CSE1L: variants seen among roughly 807,000 people sequenced by gnomAD.
CSE1L encodes the protein chromosome segregation 1 like, also known as exportin-2.
A neutral mutation model predicts 120.4 loss-of-function variants in CSE1L; 24 were observed. The ratio of observed to expected loss-of-function variants is 0.20; its 90% CI spans 0.14 to 0.28. The LOEUF is 0.28. CSE1L is among the 10% of genes least tolerant of loss of function. The pLI is 1.00. For synonymous variants in CSE1L, 402 were observed against 398.3 expected, an observed-to-expected ratio of 1.01 and a Z score of -0.11; for missense variants, 830 against 1,145.2, an observed-to-expected ratio of 0.72 and a Z score of 3.97.
chr20:49,093,807 C>G (rs2092119607), intron 22 of CSE1L, among the ~76,000 whole-genome samples: 1 of 151,684 alleles, frequency 6.6e-6, no homozygotes, highest in Admixed American at 6.6e-5. Flanking sequence ...ATCCCACCTA[C>G]TCAGGGGGCT....
intron 24 of CSE1L, 110 bp from the exon 25 acceptor site, chr20:49,096,239 C>T: frequency 3.5e-6 from 3 of 857,580 alleles, no homozygotes; most frequent in Non-Finnish European, 5.9e-6. Flanking sequence ...TGATTAATGA[C>T]TTGACTGGCT....
At chr20:49,055,825 C>T (rs1030158332) in intron 1 of CSE1L, among the ~76,000 whole-genome samples, 6 of 152,166 alleles carry the variant, frequency 3.9e-5, no homozygotes, top group African/African-American at 1.4e-4. Flanking sequence ...ATATCTATCA[C>T]CGAGATGTTA....
At chr20:49,089,147 T>C (rs900712757) in intron 17 of CSE1L, 100 bp from the exon 18 acceptor site, 1 of 1,098,088 alleles carries the variant, frequency 9.1e-7, no homozygotes, top group Non-Finnish European at 1.2e-6. Context: ...TTTTCTTAAT[T>C]TTGATTTTTA....
chr20:49,057,146 T>C lies in CSE1L; in HGVS notation c.-11-1307T>C, dbSNP rs193048085. Among the ~76,000 whole-genome samples the C allele has an allele frequency of 2.0e-3, 308 of 152,318 alleles. 3 individuals carry two copies. Among genetic ancestry groups the C allele is most frequent in the Non-Finnish European group, 6.3e-4 (43 of 68,028 alleles). ...TTTGAGACCAGCTTGGGCAACATTG[T>C]GAGACCCTGTCTCTACAAAATTTTT... On this transcript the variant is annotated intron_variant, in intron 1 of 24. Coordinates refer to ENST00000262982, the MANE Select transcript of CSE1L (RefSeq NM_001316.4).
chr20:49,063,979 C>T (rs1600598076), intron 3 of CSE1L, among the ~76,000 whole-genome samples: 1 of 152,108 alleles, frequency 6.6e-6, no homozygotes, highest in South Asian at 2.1e-4. Context: ...AAGAAACAGG[C>T]ATTTTTTTTC....
chr20:49,061,499 T>TTATG, intron 2 of CSE1L, among the ~76,000 whole-genome samples: 1 of 145,128 alleles, frequency 6.9e-6, no homozygotes, highest in Admixed American at 7.0e-5. Context: ...ATTTATTTAT[T>TTATG]TATTTATTTA....
chr20:49,086,511 G>A (rs1313502524), intron 16 of CSE1L, among the ~76,000 whole-genome samples: 10 of 151,752 alleles, frequency 6.6e-5, no homozygotes, highest in South Asian at 2.1e-4. Flanking sequence ...GATTACAGGC[G>A]TGTGCTACCA....
intron 15 of CSE1L, among the ~76,000 whole-genome samples, chr20:49,085,064 G>T (rs1403435953): frequency 6.6e-6 from 1 of 152,136 alleles, no homozygotes; most frequent in Admixed American, 6.5e-5. Flanking sequence ...GGTTTAGCTG[G>T]CTTTTTGGTT....
chr20:49,086,584 T>C (rs1245096507), intron 16 of CSE1L, among the ~76,000 whole-genome samples: 16 of 151,876 alleles, frequency 1.1e-4, no homozygotes, highest in Non-Finnish European at 1.6e-4. Flanking sequence ...AGGCTGGTCT[T>C]GAACTCCCGA....
At position 49,084,157 on chromosome 20, in the gene CSE1L, C is replaced by G. The variant is rs770684219; in HGVS notation, c.1614C>G (p.Ala538=). 9.9e-6 allele frequency: 16 copies of G among 1,613,740 alleles called. No individual in the cohort carries two copies. Among genetic ancestry groups the G allele is most frequent in the African/African-American group, 1.3e-5 (1 of 74,906 alleles). Reference sequence around the variant, plus strand: ...TTACTATGCGAGGGCCTAACAATGCCACTCTGTGAGTATTTTATTCTAAAG... The same window carrying G: ...TTACTATGCGAGGGCCTAACAATGCGACTCTGTGAGTATTTTATTCTAAAG... The part of the protein sequence containing the change: ...RLFTMRGPNN[A]TLFTAAEIAP... Residue 538 remains alanine (A), a synonymous_variant, in exon 15 of 25, where the codon GCC becomes GCG. Transcript: ENST00000262982.
chr20:49,085,760 C>T (rs2092051542), intron 16 of CSE1L, among the ~76,000 whole-genome samples: 1 of 151,394 alleles, frequency 6.6e-6, no homozygotes, highest in Admixed American at 6.6e-5. Flanking sequence ...TTAGTAGAGA[C>T]AGGGTTTTGC....
Position 49,094,642 on chromosome 20 carries a change from T to C in CSE1L, c.2595-90T>C, listed in dbSNP as rs1029815248. 8 of 828,206 alleles carry C rather than the reference T, an allele frequency of 9.7e-6. No homozygotes were observed. In the African/African-American group the frequency reaches 1.4e-4, roughly 14 times the overall value. 51.3% of individuals were successfully genotyped at this position (828,206 alleles called of 1,614,324 possible). On this transcript the variant is annotated intron_variant, in intron 23 of 24. Coordinates refer to ENST00000262982, the MANE Select transcript of CSE1L (RefSeq NM_001316.4). ...CCCCTTTTATTCTTGAGACTATGAG[T>C]CTGTAATTTTGTGTCTCTGAGCAAT... is the stretch of plus-strand genomic sequence containing the variant.
intron 15 of CSE1L, 39 bp from the exon 16 acceptor site, chr20:49,085,242 CAA>C: frequency 3.3e-6 from 5 of 1,493,774 alleles, no homozygotes; most frequent in Non-Finnish European, 4.7e-6. Flanking sequence ...GTGACAAGCT[CAA>C]GAGTTGGTAG....
At position 49,049,083 on chromosome 20, in the gene CSE1L, T is replaced by C. The variant is rs147679868; in HGVS notation, c.-12+2660T>C. 2.8e-4 allele frequency among the ~76,000 whole-genome samples: 42 copies of C among 152,356 alleles called. No homozygotes were observed. In the East Asian group the frequency reaches 5.6e-3, roughly 20 times the overall value. On this transcript the variant is annotated intron_variant, in intron 1 of 24. Transcript: ENST00000262982. ...AACAAGAAGAACTTGGAAATTTAGA[T>C]GTCTGCCATAACTGATTTATTGTGA...
intron 14 of CSE1L, among the ~76,000 whole-genome samples, chr20:49,081,807 A>T (rs1409177572): frequency 6.6e-6 from 1 of 152,204 alleles, no homozygotes; most frequent in African/African-American, 2.4e-5. Flanking sequence ...TTGCCCAGTA[A>T]CAATGGTGCC....
intron 12 of CSE1L, among the ~76,000 whole-genome samples, chr20:49,076,520 CTTTTTTTTTTTTT>C (rs35713931): frequency 6.3e-5 from 5 of 79,596 alleles, no homozygotes; most frequent in South Asian, 4.5e-4. Flanking sequence ...CCCTCTCTCT[CTTTTTTTTTTTTT>C]TTTTTTTTTT....
At chr20:49,073,653 T>G (rs2091948168) in intron 10 of CSE1L, among the ~76,000 whole-genome samples, 1 of 152,008 alleles carries the variant, frequency 6.6e-6, no homozygotes, top group Non-Finnish European at 1.5e-5. Flanking sequence ...GCTCAGCTAG[T>G]TTTTTATTTT....
intron 8 of CSE1L, among the ~76,000 whole-genome samples, chr20:49,070,601 A>T (rs2091924820): frequency 6.6e-6 from 1 of 152,224 alleles, no homozygotes; most frequent in Admixed American, 6.5e-5. Context: ...TGAAGATACT[A>T]AGAAAACTTA....
rs746804225 is a variant in CSE1L, at chr20:49,096,365, G to A, written c.2843G>A (p.Ser948Asn). The A allele has an allele frequency of 1.2e-6, 2 of 1,614,006 alleles. No homozygotes were observed. The highest frequency in any genetic ancestry group is 1.7e-6 in the Non-Finnish European group (2 of 1,179,918). The change falls in exon 25 of 25, where the codon AGC becomes AAC. Residue 948 changes from serine to asparagine, a missense_variant. By Grantham distance (46) the Ser-to-Asn change is conservative. Coordinates refer to ENST00000262982, the MANE Select transcript of CSE1L (RefSeq NM_001316.4). ...CTCTTGTAGGTTCCATCAATGGTGAGCACCAGCCTGAATGCAGAAGCGCTC... is the reference window on the plus strand; with the variant it reads ...CTCTTGTAGGTTCCATCAATGGTGAACACCAGCCTGAATGCAGAAGCGCTC... ...ACPGRVPSMV[S>N]TSLNAEALQY...
Sources: allele counts gnomAD v4.1 joint callset (sites outside exome capture counted in the v4.1 genomes callset), GRCh38; gene constraint gnomAD v4.1.1; transcripts MANE v1.5; gene names NCBI Gene and HGNC (gene_info 2026-07-23, HGNC 2026-07-21).